The following HSPG2 variants were observed in gnomAD, a reference collection of about 807,000 sequenced individuals.
The protein encoded by HSPG2 is heparan sulfate proteoglycan 2.
A neutral mutation model predicts 526.6 loss-of-function variants in HSPG2; 278 were observed. The observed-to-expected ratio is 0.53, with a 90% CI of 0.48 to 0.58. The LOEUF is 0.58. Ranked by LOEUF, HSPG2 falls within the 20% of genes least tolerant of loss-of-function variation. The pLI is 0.00. For missense variants in HSPG2, 5,354 were observed against 6,099.5 expected (o/e 0.88, Z 4.07); for synonymous variants, 2,465 against 2,555.4 (o/e 0.96, Z 1.07).
At chr1:21,914,588 G>C (rs1643834396) in intron 1 of HSPG2, among the ~76,000 whole-genome samples, 1 of 152,284 alleles carries the variant, frequency 6.6e-6, no homozygotes. Flanking sequence ...AGGTAGAAAA[G>C]CGCAGGTGTC....
Position 21,865,055 on chromosome 1 carries a change from C to T in HSPG2, c.4414G>A (p.Asp1472Asn), listed in dbSNP as rs776806867. 7.0e-6 allele frequency: 11 copies of T among 1,564,096 alleles called. No individual in the cohort carries two copies. Among genetic ancestry groups the T allele is most frequent in the South Asian group, 1.2e-5 (1 of 85,972 alleles). The change falls in exon 36 of 97, where the codon GAT (aspartate) becomes AAT (asparagine). Residue 1472 changes from aspartate (D) to asparagine (N), a missense_variant. Coordinates refer to ENST00000374695, the MANE Select transcript of HSPG2 (RefSeq NM_005529.7). The surrounding 1 kb of genome is among the most constrained non-coding windows in gnomAD (Gnocchi z 5.4). ...TGCTCGCGTGTGGCCGGCTGCCCATCGGGCCGGCGCCAGAATTCCTGGGTT... is the reference window on the plus strand; with the variant it reads ...TGCTCGCGTGTGGCCGGCTGCCCATTGGGCCGGCGCCAGAATTCCTGGGTT... Reference protein sequence around the residue: ...MFREEFWRRPDGQPATREHLL... With the variant: ...MFREEFWRRPNGQPATREHLL...
At chr1:21,910,472 C>T (rs72662451) in intron 1 of HSPG2, among the ~76,000 whole-genome samples, 3 of 152,340 alleles carry the variant, frequency 2.0e-5, no homozygotes, top group Non-Finnish European at 2.9e-5. Flanking sequence ...CATCGATCTT[C>T]TCTGGGTCCC....
Position 21,898,935 on chromosome 1 carries a change from G to A in HSPG2, c.64-2625C>T, listed in dbSNP as rs559618656. Reference sequence around the variant, plus strand: ...CCCAGGGAGCAGGGAGCTGGTCAGCGGGTGGCGGCGGGGGTGGCCTTGGGA... The same window carrying A: ...CCCAGGGAGCAGGGAGCTGGTCAGCAGGTGGCGGCGGGGGTGGCCTTGGGA... On this transcript the variant is annotated intron_variant, in intron 1 of 96. Transcript: ENST00000374695. This position sits in a 1 kb window ranked among gnomAD's most constrained non-coding sequence, Gnocchi z 4.0. 3.9e-5 allele frequency among the ~76,000 whole-genome samples: 6 copies of A among 152,364 alleles called. No individual in the cohort carries two copies. The highest frequency in any genetic ancestry group is 1.9e-4 in the East Asian group (1 of 5,186).
chr1:21,880,493 G>A lies in HSPG2; in HGVS notation c.2065C>T (p.Leu689=). The A allele has an allele frequency of 2.5e-6, 4 of 1,613,834 alleles. No homozygotes were observed. The highest frequency in any genetic ancestry group is 3.4e-6 in the Non-Finnish European group (4 of 1,180,014). ...RAELLQVLQS[L]EAVLIQTVYN... ...ACGGTCTGGATGAGCACGGCCTCCA[G>A]GCTCTGCAGCACCTGCAGCAGCTCC... is the stretch of plus-strand genomic sequence containing the variant. Residue 689 remains leucine (L), a synonymous_variant, in exon 16 of 97, where the codon CTG becomes TTG. Coordinates refer to ENST00000374695, the MANE Select transcript of HSPG2 (RefSeq NM_005529.7).
rs952875364 is a variant in HSPG2 at position 21,848,229 on chromosome 1, G to C, written c.7738-136C>G. ...CTCAGTGGCCTTCGTGAAGCTCCCA[G>C]CATGGCATGTGGCCTGTCTCTGGGC... is the stretch of plus-strand genomic sequence containing the variant. On this transcript the variant is annotated intron_variant, in intron 59 of 96. Coordinates refer to ENST00000374695, the MANE Select transcript of HSPG2 (RefSeq NM_005529.7). The surrounding 1 kb of genome is among the most constrained non-coding windows in gnomAD (Gnocchi z 4.9). The C allele has an allele frequency of 1.2e-5, 13 of 1,045,784 alleles. No individual in the cohort carries two copies. Among genetic ancestry groups the C allele is most frequent in the Middle Eastern group, 2.8e-4 (1 of 3,528 alleles). The allele number at this position is 1,045,784 out of a possible 1,614,324, so 64.8% of individuals were successfully genotyped here. A position where few individuals can be genotyped will look rare whatever the true frequency, so the allele number is the denominator to read the frequency against.
rs576017127 is a variant in HSPG2 at position 21,887,518 on chromosome 1, G to A, written c.860C>T (p.Pro287Leu). Reference protein sequence around the residue: ...PGSVRPLPCGPQEAACRNGHC... With the variant: ...PGSVRPLPCGLQEAACRNGHC... Reference sequence around the variant, plus strand: ...CCCATTGCGGCATGCGGCCTCCTGGGGCCCACAGGGCAGGGGCCTGACGGA... The same window carrying A: ...CCCATTGCGGCATGCGGCCTCCTGGAGCCCACAGGGCAGGGGCCTGACGGA... Residue 287 changes from proline (P) to leucine (L), a missense_variant, in exon 8 of 97, where the codon CCC becomes CTC. Pro to Leu is a moderately conservative substitution (Grantham distance 98). Coordinates refer to ENST00000374695, the MANE Select transcript of HSPG2 (RefSeq NM_005529.7). This position sits in a 1 kb window ranked among gnomAD's most constrained non-coding sequence, Gnocchi z 5.0. 1 of 1,614,038 alleles carries A rather than the reference G, an allele frequency of 6.2e-7. No homozygotes were observed. Among genetic ancestry groups the A allele is most frequent in the Middle Eastern group, 1.7e-4 (1 of 6,038 alleles).
chr1:21,867,808 G>C lies in HSPG2; in HGVS notation c.4222-1999C>G, dbSNP rs956480607. On this transcript the variant is annotated intron_variant, in intron 33 of 96. Coordinates refer to ENST00000374695, the MANE Select transcript of HSPG2 (RefSeq NM_005529.7). Reference sequence around the variant, plus strand: ...TACAGTGCTGCAATCTCAGCTCACTGTAATCTCTGCCTCCCGGGTTCAAGT... The same window carrying C: ...TACAGTGCTGCAATCTCAGCTCACTCTAATCTCTGCCTCCCGGGTTCAAGT... Among the ~76,000 whole-genome samples, 7 of 152,000 alleles carry C rather than the reference G, an allele frequency of 4.6e-5. No homozygotes were observed. The South Asian group carries it at 8.3e-4, about 18-fold the overall frequency.
At chr1:21,883,346 C>T (rs1369112366) in intron 13 of HSPG2, among the ~76,000 whole-genome samples, 1 of 152,232 alleles carries the variant, frequency 6.6e-6, no homozygotes, top group Non-Finnish European at 1.5e-5. Flanking sequence ...GGGATGGGGT[C>T]TCACTCTGTT....
At position 21,822,361 on chromosome 1, in the gene HSPG2, G is replaced by A; in HGVS notation, c.*955C>T. The A allele has an allele frequency of 1.3e-6, 1 of 769,672 alleles. No homozygotes were observed. The highest frequency in any genetic ancestry group is 2.2e-6 in the Non-Finnish European group (1 of 454,718). 47.7% of individuals were successfully genotyped at this position (769,672 alleles called of 1,614,324 possible). A position where few individuals can be genotyped will look rare whatever the true frequency, so the allele number is the denominator to read the frequency against. On this transcript the variant is annotated 3_prime_UTR_variant, in exon 97 of 97. Coordinates refer to ENST00000374695, the MANE Select transcript of HSPG2 (RefSeq NM_005529.7). ...CAGTCTGGGGGCCACTGGCAGGATGGCACTTGAGCTGGATCTTCAGGCTCC... is the reference window on the plus strand; with the variant it reads ...CAGTCTGGGGGCCACTGGCAGGATGACACTTGAGCTGGATCTTCAGGCTCC...
rs747496918 is a variant in HSPG2, at chr1:21,857,112, G to C, written c.5478C>G (p.Thr1826=). 6.2e-7 allele frequency: 1 copy of C among 1,614,050 alleles called. No individual in the cohort carries two copies. Among genetic ancestry groups the C allele is most frequent in the East Asian group, 2.2e-5 (1 of 44,886 alleles). The change falls in exon 44 of 97, where the codon ACC becomes ACG. Residue 1826 remains threonine, a synonymous_variant. Coordinates refer to ENST00000374695, the MANE Select transcript of HSPG2 (RefSeq NM_005529.7). The part of the protein sequence containing the change: ...TRAMDFNGIL[T]IRNVQLSDAG... ...CATCACTCAGCTGGACGTTGCGAATGGTCAGGATGCCATTGAAATCCATGG... is the reference window on the plus strand; with the variant it reads ...CATCACTCAGCTGGACGTTGCGAATCGTCAGGATGCCATTGAAATCCATGG...
At chr1:21,827,256 A>C (rs1384451352) in intron 91 of HSPG2, among the ~76,000 whole-genome samples, 5 of 152,136 alleles carry the variant, frequency 3.3e-5, no homozygotes, top group Non-Finnish European at 5.9e-5. Context: ...ATTTTATCCA[A>C]ATCTTTAGGG....
Position 21,823,282 on chromosome 1 carries a change from G to A in HSPG2, c.*34C>T, listed in dbSNP as rs1456374595. ...ATACTCGACATTGTCGGGCTGGGGC[G>A]TGGCCCGGGAGTCCGTGTGGGGCAG... On this transcript the variant is annotated 3_prime_UTR_variant, in exon 97 of 97. Coordinates refer to ENST00000374695, the MANE Select transcript of HSPG2 (RefSeq NM_005529.7). The A allele has an allele frequency of 8.8e-6, 13 of 1,470,230 alleles. No individual in the cohort carries two copies. Among genetic ancestry groups the A allele is most frequent in the African/African-American group, 7.1e-5 (5 of 70,590 alleles). The allele number at this position is 1,470,230 out of a possible 1,614,324, so 91.1% of individuals were successfully genotyped here.
Position 21,841,574 on chromosome 1 carries a change from C to T in HSPG2, c.9293G>A (p.Gly3098Asp), listed in dbSNP as rs371940744. Residue 3098 changes from glycine to aspartate, a missense_variant, in exon 70 of 97, where the codon GGT (glycine) becomes GAT (aspartate). By Grantham distance (94) the Gly-to-Asp change is moderately conservative (BLOSUM62 -1). Coordinates refer to ENST00000374695, the MANE Select transcript of HSPG2 (RefSeq NM_005529.7). ...TYRCVASNAY[G>D]VAQSVVNLSV... ...GAGGTTCACCACACTCTGGGCCACACCGTAGGCATTGGAGGCCACGCAGCG... is the reference window on the plus strand; with the variant it reads ...GAGGTTCACCACACTCTGGGCCACATCGTAGGCATTGGAGGCCACGCAGCG... The T allele has an allele frequency of 1.9e-6, 3 of 1,614,256 alleles. No individual in the cohort carries two copies. The highest frequency in any genetic ancestry group is 1.7e-5 in the Admixed American group (1 of 60,034).
At chr1:21,931,193 G>C (rs568379828) in intron 1 of HSPG2, among the ~76,000 whole-genome samples, 1 of 152,150 alleles carries the variant, frequency 6.6e-6, no homozygotes, top group Non-Finnish European at 1.5e-5. Flanking sequence ...CCCCCGACCC[G>C]GCCACCCCAG....
At position 21,847,845 on chromosome 1, in the gene HSPG2, G is replaced by C; in HGVS notation, c.7874-5C>G. On this transcript the variant is annotated splice_region_variant and splice_polypyrimidine_tract_variant and intron_variant, in intron 60 of 96. Transcript: ENST00000374695. This position sits in a 1 kb window ranked among gnomAD's most constrained non-coding sequence, Gnocchi z 4.1. ...TCGGTGGGGAGACGCTGGGCACTGG[G>C]GACAGACGGGTGTGGACCACGCAGC... is the stretch of plus-strand genomic sequence containing the variant. 6.2e-7 allele frequency: 1 copy of C among 1,613,922 alleles called. No individual in the cohort carries two copies. Among genetic ancestry groups the C allele is most frequent in the Non-Finnish European group, 8.5e-7 (1 of 1,180,014 alleles).
intron 57 of HSPG2, 126 bp from the exon 58 acceptor site, chr1:21,849,157 G>A (rs1638691052): frequency 8.8e-7 from 1 of 1,138,532 alleles, no homozygotes; most frequent in South Asian, 1.4e-5. Flanking sequence ...ACTCTTCCAG[G>A]GAAAACCACC....
intron 1 of HSPG2, among the ~76,000 whole-genome samples, chr1:21,906,078 A>G (rs1643364010): frequency 6.6e-6 from 1 of 152,244 alleles, no homozygotes; most frequent in Admixed American, 6.5e-5. Flanking sequence ...CAGAGAGCTA[A>G]CTTGCCCATA....
intron 33 of HSPG2, chr1:21,870,073 T>C (rs1445755374): frequency 1.0e-5 from 2 of 199,232 alleles, no homozygotes; most frequent in Non-Finnish European, 1.8e-5. Context: ...AGACCAGGCA[T>C]CAGGCTGGGG....
At chr1:21,930,751 G>A (rs1308437113) in intron 1 of HSPG2, among the ~76,000 whole-genome samples, 1 of 150,418 alleles carries the variant, frequency 6.6e-6, no homozygotes, top group African/African-American at 2.5e-5. Flanking sequence ...TCTAGCCTGG[G>A]TAACAGATCA....
Sources: allele counts gnomAD v4.1 joint callset (sites outside exome capture counted in the v4.1 genomes callset), GRCh38; gene constraint gnomAD v4.1.1; non-coding constraint Gnocchi (gnomAD v3.1); transcripts MANE v1.5; gene names NCBI Gene and HGNC (gene_info 2026-07-23, HGNC 2026-07-21).